The following RASSF6 variants were observed in gnomAD, a reference collection of about 807,000 sequenced individuals.
The protein encoded by RASSF6 is Ras association domain family member 6, also known as ras association domain-containing protein 6.
In RASSF6, 52 loss-of-function variants were observed where a neutral mutation model predicts 44.0. The observed-to-expected ratio is 1.18, with a 90% CI of 0.95 to 1.49. The LOEUF is 1.49. Among genes scored for constraint, RASSF6 ranks in the 40% most tolerant of loss-of-function variants. The pLI, the probability that RASSF6 is intolerant of heterozygous loss-of-function variation, is 0.00. For synonymous variants in RASSF6, 162 were observed against 124.6 expected, an observed-to-expected ratio of 1.30 and a Z score of -2.00; for missense variants, 464 against 393.3, an observed-to-expected ratio of 1.18 and a Z score of -1.52.
chr4:73,585,085 T>C, intron 6 of RASSF6, 95 bp downstream of exon 6: 2 of 830,964 alleles, frequency 2.4e-6, no homozygotes, highest in African/African-American at 1.7e-5. Context: ...ACTGTTATTA[T>C]TATGACTTTA....
intron 1 of RASSF6, among the ~76,000 whole-genome samples, chr4:73,615,227 T>C (rs1726277653): frequency 7.5e-6 from 1 of 133,352 alleles, no homozygotes; most frequent in Non-Finnish European, 1.7e-5. Flanking sequence ...ACAAAAACAA[T>C]GAAGTGAGGC....
rs768116833 is a variant in RASSF6, at chr4:73,611,862, C to T, written c.-34-33G>A. On this transcript the variant is annotated intron_variant, in intron 1 of 10. Coordinates refer to ENST00000307439, the MANE Select transcript of RASSF6 (RefSeq NM_177532.5). ...TGAGAATAATATTAATGATTTGTTC[C>T]TATAATGCATTAAAAAATTAGTTTC... is the stretch of plus-strand genomic sequence containing the variant. 5 of 1,343,018 alleles carry T rather than the reference C, an allele frequency of 3.7e-6. No individual in the cohort carries two copies. The South Asian group carries it at 6.1e-5, about 16-fold the overall frequency. The allele number at this position is 1,343,018 out of a possible 1,614,324, so 83.2% of individuals were successfully genotyped here. A position where few individuals can be genotyped will look rare whatever the true frequency, so the allele number is the denominator to read the frequency against.
chr4:73,587,714 T>C (rs1256705765), intron 5 of RASSF6, 126 bp downstream of exon 5: 1 of 480,630 alleles, frequency 2.1e-6, no homozygotes, highest in Admixed American at 3.3e-5. Flanking sequence ...AAAATATATA[T>C]ACATATAAAA....
chr4:73,612,174 A>G (rs1252061405), intron 1 of RASSF6, among the ~76,000 whole-genome samples: 1 of 152,160 alleles, frequency 6.6e-6, no homozygotes, highest in Non-Finnish European at 1.5e-5. Flanking sequence ...CCTTGCCCCA[A>G]TCAGCAGAAG....
intron 2 of RASSF6, among the ~76,000 whole-genome samples, chr4:73,609,362 A>C (rs1725858449): frequency 6.6e-6 from 1 of 152,096 alleles, no homozygotes; most frequent in Non-Finnish European, 1.5e-5. Context: ...TGATGACTCC[A>C]GGCAATAAAA....
intron 8 of RASSF6, among the ~76,000 whole-genome samples, chr4:73,578,222 A>G (rs942825587): frequency 3.9e-5 from 6 of 152,220 alleles, no homozygotes; most frequent in African/African-American, 1.4e-4. Context: ...CCCAAGAATG[A>G]CTGGAAGGAA....
intron 2 of RASSF6, among the ~76,000 whole-genome samples, chr4:73,606,241 A>G (rs1725620201): frequency 6.6e-6 from 1 of 152,256 alleles, no homozygotes; most frequent in Admixed American, 6.5e-5. Context: ...GCCATAAAAA[A>G]GAGCAAAATC....
intron 1 of RASSF6, among the ~76,000 whole-genome samples, chr4:73,612,479 C>CTTTTCT (rs1553905959): frequency 0.047 from 3,210 of 68,202 alleles, 45 homozygotes; most frequent in South Asian, 0.11. Flanking sequence ...GTTCAGTTTT[C>CTTTTCT]TTTTTTTTTT....
intron 3 of RASSF6, among the ~76,000 whole-genome samples, chr4:73,597,297 A>G (rs1453155914): frequency 6.6e-6 from 1 of 152,228 alleles, no homozygotes; most frequent in Non-Finnish European, 1.5e-5. Context: ...AAACAACCCC[A>G]TTAAAAAGTG....
chr4:73,607,486 T>G (rs1212225358), intron 2 of RASSF6, among the ~76,000 whole-genome samples: 2 of 152,214 alleles, frequency 1.3e-5, no homozygotes, highest in Admixed American at 1.3e-4. Context: ...CAAACATTGT[T>G]TCTAGGGAAG....
intron 2 of RASSF6, among the ~76,000 whole-genome samples, chr4:73,602,604 C>G (rs1725348487): frequency 6.6e-6 from 1 of 152,114 alleles, no homozygotes; most frequent in Non-Finnish European, 1.5e-5. Context: ...TACATGCGGA[C>G]CCCCTCAAAA....
At chr4:73,594,505 T>C (rs1724800778) in intron 3 of RASSF6, among the ~76,000 whole-genome samples, 1 of 152,234 alleles carries the variant, frequency 6.6e-6, no homozygotes, top group Non-Finnish European at 1.5e-5. Context: ...GACAAGTCAC[T>C]GGCTACCTTT....
At position 73,574,895 on chromosome 4, in the gene RASSF6, T is replaced by G. The variant is rs1474228192; in HGVS notation, c.*1340A>C. ...TATAAGTATGTTGAATTTTAACTAT[T>G]ACATTTGCCTCATTTAAGTGAGATG... is the stretch of plus-strand genomic sequence containing the variant. On this transcript the variant is annotated 3_prime_UTR_variant, in exon 11 of 11. Coordinates refer to ENST00000307439, the MANE Select transcript of RASSF6 (RefSeq NM_177532.5). The G allele has an allele frequency of 1.3e-5, 2 of 152,170 alleles. No homozygotes were observed. Among genetic ancestry groups the G allele is most frequent in the African/African-American group, 2.4e-5 (1 of 41,434 alleles). The allele number at this position is 152,170 out of a possible 1,614,324, so 9.4% of individuals were successfully genotyped here. A position where few individuals can be genotyped will look rare whatever the true frequency, so the allele number is the denominator to read the frequency against.
Position 73,593,449 on chromosome 4 carries a change from A to G in RASSF6, c.287+2T>C. The G allele has an allele frequency of 6.3e-7, 1 of 1,599,666 alleles. No homozygotes were observed. Among genetic ancestry groups the G allele is most frequent in the Non-Finnish European group, 8.5e-7 (1 of 1,175,540 alleles). On this transcript the variant is annotated splice_donor_variant, in intron 4 of 10. Coordinates refer to ENST00000307439, the MANE Select transcript of RASSF6 (RefSeq NM_177532.5). LOFTEE classifies it high-confidence loss of function. ...GAATTAAAAACATGAAAGATAGCTT[A>G]CCCTTTGCTGGAGAAGACGTCTGAT...
intron 2 of RASSF6, among the ~76,000 whole-genome samples, chr4:73,604,884 C>CTTTTTTTTT (rs35609056): frequency 2.7e-4 from 38 of 138,314 alleles, no homozygotes; most frequent in South Asian, 4.6e-4. Flanking sequence ...CATTTTCTTT[C>CTTTTTTTTT]TTTTTTTTTT....
At position 73,576,642 on chromosome 4, in the gene RASSF6, C is replaced by T. The variant is rs1488665768; in HGVS notation, c.811G>A (p.Asp271Asn). 1 of 1,613,448 alleles carries T rather than the reference C, an allele frequency of 6.2e-7. No individual in the cohort carries two copies. The highest frequency in any genetic ancestry group is 2.2e-5 in the East Asian group (1 of 44,862). The change falls in exon 9 of 11, where the codon GAT (aspartate) becomes AAT (asparagine). Residue 271 changes from aspartate (D) to asparagine (N), a missense_variant. Transcript: ENST00000307439. ...CTGCTAATTTCTTCTGCATCTTTAT[C>T]CATGAGGAAAATGCGAGCATTCTTT... ...SEKNARIFLM[D>N]KDAEEISSDV... is the part of the protein sequence containing the mutation.
chr4:73,576,748 A>T lies in RASSF6; in HGVS notation c.722-17T>A. On this transcript the variant is annotated splice_polypyrimidine_tract_variant and intron_variant, in intron 8 of 10. Coordinates refer to ENST00000307439, the MANE Select transcript of RASSF6 (RefSeq NM_177532.5). ...GTCTTTGTTCTGCAGTGAAAACAAG[A>T]ATCAACCACAATCAGAAGTTCATGC... is the stretch of plus-strand genomic sequence containing the variant. The T allele has an allele frequency of 7.3e-7, 1 of 1,374,082 alleles. No individual in the cohort carries two copies. The highest frequency in any genetic ancestry group is 1.0e-6 in the Non-Finnish European group (1 of 983,982). 85.1% of individuals were successfully genotyped at this position (1,374,082 alleles called of 1,614,324 possible). A position where few individuals can be genotyped will look rare whatever the true frequency, so the allele number is the denominator to read the frequency against.
intron 1 of RASSF6, among the ~76,000 whole-genome samples, chr4:73,613,505 G>A (rs1034336449): frequency 1.2e-4 from 18 of 152,036 alleles, no homozygotes; most frequent in African/African-American, 3.9e-4. Flanking sequence ...TAATGTCCCC[G>A]ACTGAAATCC....
At chr4:73,590,520 G>C (rs1008306543) in intron 4 of RASSF6, among the ~76,000 whole-genome samples, 1 of 152,276 alleles carries the variant, frequency 6.6e-6, no homozygotes, top group African/African-American at 2.4e-5. Flanking sequence ...TAAAATAGAT[G>C]TTATCTTAAA....
Sources: allele counts gnomAD v4.1 joint callset (sites outside exome capture counted in the v4.1 genomes callset), GRCh38; gene constraint gnomAD v4.1.1; transcripts MANE v1.5; gene names NCBI Gene and HGNC (gene_info 2026-07-23, HGNC 2026-07-21).